Variants in SHISA9 observed in about 807,000 individuals in gnomAD.
SHISA9 encodes the protein protein shisa-9.
Under a neutral mutation model 38.0 loss-of-function variants are expected in SHISA9, and 13 were observed. The observed-to-expected ratio is 0.34, with a 90% CI of 0.22 to 0.54. The LOEUF (loss-of-function observed/expected upper bound fraction) is 0.54. Ranked by LOEUF, SHISA9 falls within the 20% of genes least tolerant of loss-of-function variation. The pLI is 0.91. For missense variants in SHISA9, 538 were observed against 575.8 expected (o/e 0.93, Z 0.67); for synonymous variants, 275 against 242.0 (o/e 1.14, Z -1.27).
the SHISA9 span, among the ~76,000 whole-genome samples, chr16:13,522,096 T>C: frequency 6.6e-6 from 1 of 152,278 alleles, no homozygotes; most frequent in South Asian, 2.1e-4. Flanking sequence ...CCACCAGCCA[T>C]GGAATCCTAA....
the SHISA9 span, among the ~76,000 whole-genome samples, chr16:13,540,451 A>T: frequency 3.7e-3 from 562 of 152,350 alleles, 1 homozygote; most frequent in African/African-American, 0.013. Context: ...TCACAGGGAT[A>T]GCTCCGAGGT....
intron 2 of SHISA9, among the ~76,000 whole-genome samples, chr16:12,971,888 A>G (rs764832268): frequency 6.6e-6 from 1 of 152,144 alleles, no homozygotes; most frequent in Non-Finnish European, 1.5e-5. Context: ...TTCTCTTTAG[A>G]GAACTGTCCT....
At chr16:13,035,873 G>GAT (rs745452127) in intron 2 of SHISA9, among the ~76,000 whole-genome samples, 8 of 152,120 alleles carry the variant, frequency 5.3e-5, no homozygotes, top group Non-Finnish European at 1.0e-4. Context: ...CACCAAAGAA[G>GAT]ATATATATAC....
At chr16:13,533,532 C>T in the SHISA9 span, among the ~76,000 whole-genome samples, 1 of 152,062 alleles carries the variant, frequency 6.6e-6, no homozygotes, top group African/African-American at 2.4e-5. Flanking sequence ...GATGACCATC[C>T]TCTCGTATAA....
the SHISA9 span, among the ~76,000 whole-genome samples, chr16:13,436,790 G>A: frequency 2.0e-5 from 3 of 152,164 alleles, no homozygotes; most frequent in African/African-American, 7.2e-5. Flanking sequence ...GAAGCTAGTG[G>A]GAGTTGAGTC....
intron 2 of SHISA9, among the ~76,000 whole-genome samples, chr16:13,002,828 C>T (rs2072543087): frequency 6.6e-6 from 1 of 152,140 alleles, no homozygotes; most frequent in South Asian, 2.1e-4. Flanking sequence ...CCACTGTGCC[C>T]AGCCAGTTCC....
At chr16:13,241,546 C>T (rs780508590), downstream of SHISA9, among the ~76,000 whole-genome samples, 2 of 152,160 alleles carry the variant, frequency 1.3e-5, no homozygotes, top group African/African-American at 2.4e-5. Context: ...CACAGAGATG[C>T]ACCTACTGGT....
the SHISA9 span, among the ~76,000 whole-genome samples, chr16:13,327,227 G>C: frequency 1.3e-5 from 2 of 152,102 alleles, no homozygotes; most frequent in African/African-American, 4.8e-5. Context: ...GCATGTCCTT[G>C]CCTGGGAGGA....
the SHISA9 span, among the ~76,000 whole-genome samples, chr16:13,297,360 T>C: frequency 6.6e-6 from 1 of 152,202 alleles, no homozygotes. Context: ...TATAATTTTT[T>C]AGGAAATTGA....
At chr16:13,155,707 TG>T (rs749916219) in intron 2 of SHISA9, among the ~76,000 whole-genome samples, 24 of 152,226 alleles carry the variant, frequency 1.6e-4, no homozygotes, top group Admixed American at 2.6e-4. Context: ...TTACTGGGCC[TG>T]GGGGAAACGT....
At position 13,103,431 on chromosome 16, in the gene SHISA9, T is replaced by C. The variant is rs146140614; in HGVS notation, c.692-99963T>C. 2.6e-5 allele frequency among the ~76,000 whole-genome samples: 4 copies of C among 152,336 alleles called. No homozygotes were observed. In the East Asian group the frequency reaches 7.7e-4, roughly 29 times the overall value. Reference sequence around the variant, plus strand: ...ATTTGAGGTCACAGAGTGTCCTTAATGTCCCATGAGCAGGTGAGTGGAAAG... The same window carrying C: ...ATTTGAGGTCACAGAGTGTCCTTAACGTCCCATGAGCAGGTGAGTGGAAAG... On this transcript the variant is annotated intron_variant, in intron 2 of 4. Coordinates refer to ENST00000558583, the MANE Select transcript of SHISA9 (RefSeq NM_001145204.3).
the SHISA9 span, among the ~76,000 whole-genome samples, chr16:13,282,151 A>G: frequency 6.6e-6 from 1 of 152,006 alleles, no homozygotes; most frequent in Admixed American, 6.6e-5. Context: ...TGGCTTGAAG[A>G]ATATCCTTCT....
chr16:13,311,646 A>C, the SHISA9 span, among the ~76,000 whole-genome samples: 1 of 152,088 alleles, frequency 6.6e-6, no homozygotes, highest in Non-Finnish European at 1.5e-5. Flanking sequence ...ATGACATACA[A>C]TGTCCACTCC....
At chr16:13,011,887 A>T (rs903202317) in intron 2 of SHISA9, among the ~76,000 whole-genome samples, 7 of 151,398 alleles carry the variant, frequency 4.6e-5, no homozygotes, top group Admixed American at 1.3e-4. Context: ...GTACAGTGGC[A>T]TGATCTCAAC....
At chr16:12,909,256 G>A in intron 1 of SHISA9, 1 of 981,482 alleles carries the variant, frequency 1.0e-6, no homozygotes, top group Non-Finnish European at 1.2e-6. Flanking sequence ...TGCACACATT[G>A]TAAGTGTGTA....
the SHISA9 span, among the ~76,000 whole-genome samples, chr16:13,527,507 G>C: frequency 4.9e-4 from 75 of 152,370 alleles, no homozygotes; most frequent in African/African-American, 1.7e-3. Flanking sequence ...AAGATCTGCA[G>C]AGTCATGTGA....
intron 1 of SHISA9, among the ~76,000 whole-genome samples, chr16:12,907,767 G>A (rs1205838306): frequency 6.6e-6 from 1 of 152,152 alleles, no homozygotes; most frequent in Non-Finnish European, 1.5e-5. Context: ...CAGGAATCCA[G>A]ATTCCTGATT....
intron 2 of SHISA9, among the ~76,000 whole-genome samples, chr16:13,189,286 G>A (rs2050859817): frequency 6.6e-6 from 1 of 152,210 alleles, no homozygotes; most frequent in Non-Finnish European, 1.5e-5. Context: ...GAAGGAAGAT[G>A]CTCAAGGCAG....
At chr16:13,267,113 T>C in the SHISA9 span, among the ~76,000 whole-genome samples, 1 of 152,134 alleles carries the variant, frequency 6.6e-6, no homozygotes, top group African/African-American at 2.4e-5. Flanking sequence ...TCTTTAACTT[T>C]AAAAATGTTT....
Sources: gnomAD v4.1 joint callset for allele counts (sites outside exome capture counted in the v4.1 genomes callset) on GRCh38, gnomAD v4.1.1 for gene constraint, MANE v1.5 for transcripts, NCBI Gene and HGNC (gene_info 2026-07-23, HGNC 2026-07-21) for gene names.